PHLPP1: variants seen among roughly 807,000 people sequenced by gnomAD.
PHLPP1 encodes the protein PH domain leucine-rich repeat-containing protein phosphatase 1.
PHLPP1 carries 42 observed loss-of-function variants against 117.2 expected under a neutral mutation model. That is an observed-to-expected ratio of 0.36 (90% confidence interval 0.28 to 0.46). The LOEUF is 0.46. PHLPP1 is among the 20% of genes least tolerant of loss of function. The pLI is 1.00. For missense variants in PHLPP1, 2,084 were observed against 2,241.9 expected, an observed-to-expected ratio of 0.93 and a Z score of 1.42; for synonymous variants, 1,042 against 970.7, an observed-to-expected ratio of 1.07 and a Z score of -1.37.
intron 1 of PHLPP1, among the ~76,000 whole-genome samples, chr18:62,803,065 C>G (rs1360143596): frequency 6.6e-6 from 1 of 152,072 alleles, no homozygotes; most frequent in African/African-American, 2.4e-5. Flanking sequence ...TAATTTTATG[C>G]CTTAAAAGTC....
At chr18:62,954,748 A>G (rs112618258) in intron 12 of PHLPP1, among the ~76,000 whole-genome samples, 3 of 152,236 alleles carry the variant, frequency 2.0e-5, no homozygotes, top group African/African-American at 7.2e-5. Context: ...AATGTATTAA[A>G]ATTGCATTAA....
chr18:62,963,346 C>T, intron 13 of PHLPP1, 22 bp from the exon 14 acceptor site: 1 of 1,536,072 alleles, frequency 6.5e-7, no homozygotes, highest in Non-Finnish European at 9.0e-7. Flanking sequence ...GATTCCTGTT[C>T]CCTCCCTGTT....
Position 62,722,088 on chromosome 18 carries a change from A to C in PHLPP1, c.1576+4829A>C, listed in dbSNP as rs558656100. Among the ~76,000 whole-genome samples the C allele has an allele frequency of 2.4e-4, 36 of 152,332 alleles. No homozygotes were observed. In the South Asian group the frequency reaches 2.5e-3, roughly 11 times the overall value. ...AGGGATGTGTTAAACACACATACAC[A>C]CAGCGGCATTTCTCCCATGGCAGGA... On this transcript the variant is annotated intron_variant, in intron 1 of 16. Transcript: ENST00000262719.
intron 7 of PHLPP1, among the ~76,000 whole-genome samples, chr18:62,903,979 T>G (rs1916787842): frequency 6.6e-6 from 1 of 152,202 alleles, no homozygotes; most frequent in Non-Finnish European, 1.5e-5. Flanking sequence ...GTCAGTAAAC[T>G]GAATGAAAAC....
chr18:62,715,767 TGCG>T lies in PHLPP1; in HGVS notation c.87_89del (p.Ala40del). 1.4e-6 allele frequency: 1 copy of T among 703,588 alleles called. No individual in the cohort carries two copies. The highest frequency in any genetic ancestry group is 1.8e-6 in the Non-Finnish European group (1 of 568,588). The allele number at this position is 703,588 out of a possible 1,614,324, so 43.6% of individuals were successfully genotyped here. On this transcript the variant is annotated inframe_deletion, in exon 1 of 17. Coordinates refer to ENST00000262719, the MANE Select transcript of PHLPP1 (RefSeq NM_194449.4). Reference sequence around the variant, plus strand: ...GAGCTTCGGCTCCGGCGGCCGCCGCTGCGGCAGCAGCAGCAGCAGCGGCGGCCG... The same window carrying T: ...GAGCTTCGGCTCCGGCGGCCGCCGCTGCAGCAGCAGCAGCAGCGGCGGCCG...
chr18:62,751,412 A>G (rs1050451520), intron 1 of PHLPP1, among the ~76,000 whole-genome samples: 7 of 152,190 alleles, frequency 4.6e-5, no homozygotes, highest in African/African-American at 1.2e-4. Context: ...TCCTCCTGCA[A>G]TGTTTTTCTA....
rs188433226 is a variant in PHLPP1, at chr18:62,934,548, A to G, written c.2961-7170A>G. 2.6e-5 allele frequency among the ~76,000 whole-genome samples: 4 copies of G among 152,304 alleles called. No individual in the cohort carries two copies. The East Asian group carries it at 7.7e-4, about 29-fold the overall frequency. On this transcript the variant is annotated intron_variant, in intron 10 of 16. Coordinates refer to ENST00000262719, the MANE Select transcript of PHLPP1 (RefSeq NM_194449.4). Reference sequence around the variant, plus strand: ...ACACATGGCCATAAAGCCGGAAACAAGAGACACTGAGGACTCTGAAAGAGA... The same window carrying G: ...ACACATGGCCATAAAGCCGGAAACAGGAGACACTGAGGACTCTGAAAGAGA...
chr18:62,834,280 T>C (rs189565353), intron 2 of PHLPP1, among the ~76,000 whole-genome samples: 35 of 152,268 alleles, frequency 2.3e-4, no homozygotes, highest in African/African-American at 7.2e-4. Context: ...CTGTGGCTCA[T>C]TGGCCAGAAC....
chr18:62,763,935 G>A (rs1912355305), intron 1 of PHLPP1, among the ~76,000 whole-genome samples: 1 of 151,932 alleles, frequency 6.6e-6, no homozygotes, highest in Admixed American at 6.6e-5. Context: ...GGCTGAGGCG[G>A]GTGTATCACC....
At chr18:62,935,161 C>A (rs575274830) in intron 10 of PHLPP1, among the ~76,000 whole-genome samples, 325 of 152,210 alleles carry the variant, frequency 2.1e-3, no homozygotes, top group African/African-American at 7.5e-3. Context: ...TGAATTCAGA[C>A]AACAAAGTAT....
chr18:62,891,080 C>T (rs1460907374), intron 4 of PHLPP1, among the ~76,000 whole-genome samples: 1 of 152,076 alleles, frequency 6.6e-6, no homozygotes, highest in Non-Finnish European at 1.5e-5. Flanking sequence ...CATTGAATAA[C>T]TTTTTTCAGT....
Position 62,978,189 on chromosome 18 carries a change from C to G in PHLPP1, c.3985-73C>G. ...TCCTACAGTCGAGACAGTCGAGGGA[C>G]CCGCAGGGAACCTGCACAGTTGCCG... is the stretch of plus-strand genomic sequence containing the variant. On this transcript the variant is annotated intron_variant, in intron 16 of 16. Transcript: ENST00000262719. This position sits in a 1 kb window ranked among gnomAD's most constrained non-coding sequence, Gnocchi z 7.0. 2.4e-6 allele frequency: 2 copies of G among 834,224 alleles called. No individual in the cohort carries two copies. Among genetic ancestry groups the G allele is most frequent in the Non-Finnish European group, 1.9e-6 (1 of 520,710 alleles). 51.7% of individuals were successfully genotyped at this position (834,224 alleles called of 1,614,324 possible). A position where few individuals can be genotyped will look rare whatever the true frequency, so the allele number is the denominator to read the frequency against.
chr18:62,935,278 T>C (rs1909937785), intron 10 of PHLPP1, among the ~76,000 whole-genome samples: 1 of 152,196 alleles, frequency 6.6e-6, no homozygotes, highest in Non-Finnish European at 1.5e-5. Flanking sequence ...GAAAATCCCA[T>C]TTAAAATAGC....
Position 62,928,045 on chromosome 18 carries a change from A to G in PHLPP1, c.2960+7931A>G, listed in dbSNP as rs144633679. ...ACTTCTCAAAAACATTATACAATGC[A>G]AGGTAATAACGGAGTAATGTTTTTT... is the stretch of plus-strand genomic sequence containing the variant. On this transcript the variant is annotated intron_variant, in intron 10 of 16. Transcript: ENST00000262719. 1.6e-3 allele frequency among the ~76,000 whole-genome samples: 244 copies of G among 152,326 alleles called. 1 individual carries two copies. The highest frequency in any genetic ancestry group is 3.1e-3 in the Non-Finnish European group (214 of 68,012).
intron 4 of PHLPP1, among the ~76,000 whole-genome samples, chr18:62,860,855 T>C (rs1179687297): frequency 6.6e-6 from 1 of 152,226 alleles, no homozygotes; most frequent in African/African-American, 2.4e-5. Context: ...AGAACAATTC[T>C]CCTTAAACAA....
At chr18:62,875,952 C>T (rs1451772224) in intron 4 of PHLPP1, among the ~76,000 whole-genome samples, 4 of 151,908 alleles carry the variant, frequency 2.6e-5, no homozygotes, top group Non-Finnish European at 4.4e-5. Flanking sequence ...AGGCTGGTCT[C>T]GAACTCCTGA....
chr18:62,905,431 A>G (rs1046069898), intron 8 of PHLPP1, 147 bp downstream of exon 8: 15 of 416,602 alleles, frequency 3.6e-5, no homozygotes, highest in Middle Eastern at 6.3e-4. Context: ...AAAATTATAT[A>G]TATCTATTGA....
chr18:62,860,341 A>T, intron 3 of PHLPP1, 94 bp from the exon 4 acceptor site: 1 of 1,020,282 alleles, frequency 9.8e-7, no homozygotes, highest in Non-Finnish European at 1.5e-6. Flanking sequence ...TTCATAGAAT[A>T]TCTGTTCCAA....
chr18:62,766,164 A>G (rs373381639), intron 1 of PHLPP1, among the ~76,000 whole-genome samples: 1 of 138,882 alleles, frequency 7.2e-6, no homozygotes, highest in East Asian at 2.2e-4. Context: ...GATGAATAGG[A>G]TTTAGATAGG....
Sources: gnomAD v4.1 joint callset for allele counts (sites outside exome capture counted in the v4.1 genomes callset) on GRCh38, gnomAD v4.1.1 for gene constraint, Gnocchi (gnomAD v3.1) non-coding constraint, MANE v1.5 for transcripts, NCBI Gene and HGNC (gene_info 2026-07-23, HGNC 2026-07-21) for gene names.